Variants in C1orf159 observed in about 807,000 individuals in gnomAD.
The protein encoded by C1orf159 is uncharacterized protein C1orf159.
In C1orf159, 19 loss-of-function variants were observed where a neutral mutation model predicts 25.6. The ratio of observed to expected loss-of-function variants is 0.74; its 90% CI spans 0.52 to 1.09. C1orf159 has a LOEUF of 1.09. C1orf159 is among the 50% of genes least tolerant of loss of function. C1orf159 has a pLI of 0.00. For synonymous variants in C1orf159, 139 were observed against 124.7 expected, an observed-to-expected ratio of 1.12 and a Z score of -0.77; for missense variants, 274 against 290.6, an observed-to-expected ratio of 0.94 and a Z score of 0.42.
At chr1:1,088,983 C>T (rs551475627) in intron 4 of C1orf159, among the ~76,000 whole-genome samples, 4 of 152,232 alleles carry the variant, frequency 2.6e-5, no homozygotes, top group South Asian at 2.1e-4. Flanking sequence ...GCGACTTCAG[C>T]GAGGCTCTGT....
At chr1:1,092,211 C>T (rs1325964431) in intron 1 of C1orf159, 108 bp from the exon 2 acceptor site, 1 of 283,258 alleles carries the variant, frequency 3.5e-6, no homozygotes, top group African/African-American at 2.3e-5. Flanking sequence ...TGTCCACACC[C>T]TTGCCGGCCC....
At chr1:1,090,325 G>C (rs761544338) in intron 4 of C1orf159, 28 bp downstream of exon 4, 163 of 1,549,772 alleles carry the variant, frequency 1.1e-4, no homozygotes, top group Non-Finnish European at 6.1e-5. Flanking sequence ...GGGCCGGTCT[G>C]GAATCTGCTT....
At chr1:1,086,969 C>G (rs942016307) in intron 6 of C1orf159, among the ~76,000 whole-genome samples, 170 bp downstream of exon 6, 1 of 152,202 alleles carries the variant, frequency 6.6e-6, no homozygotes, top group Non-Finnish European at 1.5e-5. Context: ...CCACATCCCC[C>G]ACCCACACCA....
chr1:1,090,281 G>T, intron 4 of C1orf159, 72 bp downstream of exon 4: 1 of 1,435,446 alleles, frequency 7.0e-7, no homozygotes, highest in Non-Finnish European at 9.6e-7. Flanking sequence ...TCACCGAGGG[G>T]AGGGCCCTGG....
At chr1:1,106,937 C>T (rs1196461078) in intron 1 of C1orf159, 3 of 152,550 alleles carry the variant, frequency 2.0e-5, no homozygotes, top group African/African-American at 7.2e-5. Flanking sequence ...GTGGAGGGTC[C>T]CCCAGCACTG....
At chr1:1,092,160 C>G (rs1256729267) in intron 1 of C1orf159, 57 bp from the exon 2 acceptor site, 2 of 355,578 alleles carry the variant, frequency 5.6e-6, no homozygotes, top group Non-Finnish European at 1.1e-5. Flanking sequence ...CCAGGTGGGC[C>G]GTGGCCTACG....
intron 1 of C1orf159, among the ~76,000 whole-genome samples, chr1:1,098,334 G>A (rs916835607): frequency 4.6e-5 from 7 of 152,188 alleles, no homozygotes; most frequent in Admixed American, 2.6e-4. Flanking sequence ...CTCCCAAAGT[G>A]CAGGGATTAC....
intron 1 of C1orf159, among the ~76,000 whole-genome samples, chr1:1,093,926 G>A (rs1004329275): frequency 9.5e-4 from 144 of 152,348 alleles, no homozygotes; most frequent in African/African-American, 3.2e-3. Context: ...CAGGGTGTCC[G>A]TGCATGTGCA....
intron 4 of C1orf159, among the ~76,000 whole-genome samples, chr1:1,088,285 T>C (rs1422974740): frequency 1.1e-4 from 5 of 45,770 alleles, no homozygotes; most frequent in Non-Finnish European, 1.9e-4. Context: ...CACGCCTCCC[T>C]GGGACCCTCC....
chr1:1,090,999 G>C, intron 3 of C1orf159: 2 of 1,539,992 alleles, frequency 1.3e-6, no homozygotes, highest in Non-Finnish European at 1.8e-6. Flanking sequence ...TGCAGTGAAC[G>C]GTGAGGGCGT....
intron 9 of C1orf159, chr1:1,083,969 G>A (rs1645785267): frequency 1.7e-5 from 27 of 1,604,582 alleles, no homozygotes; most frequent in Non-Finnish European, 2.3e-5. Context: ...TGGCTGCTCA[G>A]GAGGGCCTGG....
chr1:1,097,043 T>A (rs1459382717), intron 1 of C1orf159, among the ~76,000 whole-genome samples: 3 of 151,976 alleles, frequency 2.0e-5, no homozygotes, highest in African/African-American at 7.3e-5. Flanking sequence ...ATGGCAATAG[T>A]CTATTACTAT....
rs1055217495 is a variant in C1orf159, at chr1:1,091,464, G to T, written c.72+8C>A. The stretch of plus-strand genomic sequence containing the variant: ...TAGGCCGCGTGGACACGTGAGGGGG[G>T]CACCTACCGTGTTCTCCATGGACTT... On this transcript the variant is annotated splice_region_variant and intron_variant, in intron 3 of 9. Transcript: ENST00000421241. 4 of 1,549,930 alleles carry T rather than the reference G, an allele frequency of 2.6e-6. 1 individual carries two copies. Among genetic ancestry groups the T allele is most frequent in the Admixed American group, 2.0e-5 (1 of 51,004 alleles).
chr1:1,113,719 C>T (rs942250494), intron 1 of C1orf159, among the ~76,000 whole-genome samples: 4 of 152,114 alleles, frequency 2.6e-5, no homozygotes, highest in African/African-American at 9.7e-5. Flanking sequence ...TGGAAGAAGG[C>T]CAGGCAGGAG....
rs768873387 is a variant in C1orf159, at chr1:1,087,250, CG to C, written c.245-47del. ...GGGAAGCCTGTGTGCACGGAGCCCA[CG>C]GGGACACCCACGTGCACCCTGAAGG... On this transcript the variant is annotated intron_variant, in intron 5 of 9. Transcript: ENST00000421241. The surrounding 1 kb of genome is among the most constrained non-coding windows in gnomAD (Gnocchi z 8.3). The C allele has an allele frequency of 2.3e-5, 35 of 1,548,048 alleles. 1 individual carries two copies. In the South Asian group the frequency reaches 3.9e-4, roughly 17 times the overall value.
At chr1:1,106,207 C>G (rs1313557114) in intron 1 of C1orf159, 1 of 152,162 alleles carries the variant, frequency 6.6e-6, no homozygotes, top group Non-Finnish European at 1.5e-5. Context: ...TAGACTCCAA[C>G]CCAAACACTC....
rs760312089 is a variant in C1orf159, at chr1:1,091,271, C to T, written c.72+201G>A. ...CCTGACCCAGCCATTCCTGAGCAGG[C>T]GCTCACCCAGCAGGCAGCGGAGGGC... On this transcript the variant is annotated intron_variant, in intron 3 of 9. Coordinates refer to ENST00000421241, the MANE Select transcript of C1orf159 (RefSeq NM_017891.5). 16 of 670,216 alleles carry T rather than the reference C, an allele frequency of 2.4e-5. No homozygotes were observed. The South Asian group carries it at 2.4e-4, about 10-fold the overall frequency. 41.5% of individuals were successfully genotyped at this position (670,216 alleles called of 1,614,324 possible). A position where few individuals can be genotyped will look rare whatever the true frequency, so the allele number is the denominator to read the frequency against.
chr1:1,090,150 T>C (rs1645904517), intron 4 of C1orf159, among the ~76,000 whole-genome samples: 1 of 152,176 alleles, frequency 6.6e-6, no homozygotes, highest in Admixed American at 6.5e-5. Flanking sequence ...AGTCTTCTCA[T>C]GAGGCTGCCG....
chr1:1,091,489 T>C lies in C1orf159; in HGVS notation c.55A>G (p.Lys19Glu). ...LAGLLVGVASKSMENTAQLPE... is the reference protein window; with the variant it reads ...LAGLLVGVASESMENTAQLPE... ...GCACCTACCGTGTTCTCCATGGACT[T>C]GCTGGCGACTCCCACGAGAAGGCCA... Residue 19 changes from lysine (K) to glutamate (E), a missense_variant, in exon 3 of 10, where the codon AAG (lysine) becomes GAG (glutamate). Lys to Glu is a moderately conservative substitution (Grantham distance 56, BLOSUM62 1). Coordinates refer to ENST00000421241, the MANE Select transcript of C1orf159 (RefSeq NM_017891.5). The C allele has an allele frequency of 6.5e-7, 1 of 1,550,160 alleles. No individual in the cohort carries two copies. The highest frequency in any genetic ancestry group is 8.7e-7 in the Non-Finnish European group (1 of 1,146,826).
Sources: gnomAD v4.1 joint callset for allele counts (sites outside exome capture counted in the v4.1 genomes callset) on GRCh38, gnomAD v4.1.1 for gene constraint, Gnocchi (gnomAD v3.1) non-coding constraint, MANE v1.5 for transcripts, NCBI Gene and HGNC (gene_info 2026-07-23, HGNC 2026-07-21) for gene names.